PTPRD: variants seen among roughly 807,000 people sequenced by gnomAD.
The protein encoded by PTPRD is protein tyrosine phosphatase receptor type D, also known as receptor-type tyrosine-protein phosphatase delta.
Under a neutral mutation model 214.5 loss-of-function variants are expected in PTPRD, and 34 were observed. The observed-to-expected ratio is 0.16, with a 90% confidence interval of 0.12 to 0.21. The LOEUF (loss-of-function observed/expected upper bound fraction) is 0.21, where lower values mean the gene tolerates loss of function less well. Among genes scored for constraint, PTPRD ranks in the 10% least tolerant of loss-of-function variants. The probability of loss-of-function intolerance (pLI) is 1.00; values close to 1 mark genes in which losing one functional copy is unlikely to be tolerated. For missense variants in PTPRD, 2,545 were observed against 2,398.7 expected (o/e 1.06, Z -1.27); for synonymous variants, 1,128 against 845.7 (o/e 1.33, Z -5.79).
At chr9:9,493,937 C>T (rs62533229) in intron 8 of PTPRD, among the ~76,000 whole-genome samples, 12,275 of 151,802 alleles carry the variant, frequency 0.081, 624 homozygotes, top group South Asian at 0.16. Flanking sequence ...ATTCCAAATG[C>T]TATTAAGAAC....
chr9:9,601,799 A>G (rs2093789866), intron 7 of PTPRD, among the ~76,000 whole-genome samples: 1 of 152,064 alleles, frequency 6.6e-6, no homozygotes, highest in Non-Finnish European at 1.5e-5. Context: ...ATAAACACTA[A>G]ATATAATACA....
chr9:9,065,114 C>G (rs2154403824), intron 10 of PTPRD, among the ~76,000 whole-genome samples: 1 of 152,240 alleles, frequency 6.6e-6, no homozygotes, highest in East Asian at 1.9e-4. Flanking sequence ...TGACAAAAAT[C>G]TCTTCCCTTT....
At chr9:10,064,242 T>C (rs989465597) in intron 3 of PTPRD, among the ~76,000 whole-genome samples, 13 of 151,974 alleles carry the variant, frequency 8.6e-5, no homozygotes, top group African/African-American at 2.4e-4. Context: ...TGGTGAATTG[T>C]TTTGAGGGGC....
At chr9:8,770,633 G>A (rs191831448) in intron 11 of PTPRD, among the ~76,000 whole-genome samples, 30 of 152,192 alleles carry the variant, frequency 2.0e-4, no homozygotes, top group African/African-American at 6.7e-4. Flanking sequence ...TCCAAAAACA[G>A]ATCTACTTGA....
chr9:8,826,340 C>G (rs530651735), intron 11 of PTPRD, among the ~76,000 whole-genome samples: 4 of 152,164 alleles, frequency 2.6e-5, no homozygotes, highest in Non-Finnish European at 5.9e-5. Flanking sequence ...CCTCAGCCTA[C>G]AATCCCTCCC....
At chr9:10,576,727 T>C (rs1047395402) in intron 2 of PTPRD, among the ~76,000 whole-genome samples, 4 of 152,206 alleles carry the variant, frequency 2.6e-5, no homozygotes, top group African/African-American at 7.2e-5. Flanking sequence ...ATATGCCATA[T>C]GTTCAATAGC....
At chr9:9,955,036 A>G (rs1274108152) in intron 4 of PTPRD, among the ~76,000 whole-genome samples, 4 of 152,316 alleles carry the variant, frequency 2.6e-5, no homozygotes, top group African/African-American at 9.6e-5. Flanking sequence ...TACAGGTCAA[A>G]CTAAATGCTA....
At chr9:9,751,838 A>G (rs1438477994) in intron 6 of PTPRD, among the ~76,000 whole-genome samples, 1 of 152,138 alleles carries the variant, frequency 6.6e-6, no homozygotes, top group Non-Finnish European at 1.5e-5. Context: ...TAGCAGGCTC[A>G]GAAAACTGAC....
intron 11 of PTPRD, among the ~76,000 whole-genome samples, chr9:8,761,566 TGCAAAGG>T (rs1424983821): frequency 6.6e-6 from 1 of 152,138 alleles, no homozygotes; most frequent in Non-Finnish European, 1.5e-5. Context: ...AAAGCGGAGC[TGCAAAGG>T]TTAGTAGAAA....
intron 2 of PTPRD, among the ~76,000 whole-genome samples, chr9:10,478,460 C>G (rs915726161): frequency 6.6e-6 from 1 of 152,144 alleles, no homozygotes; most frequent in Non-Finnish European, 1.5e-5. Flanking sequence ...GGAAGCTATT[C>G]ATATCACCCC....
At chr9:9,673,556 A>C (rs1374347810) in intron 7 of PTPRD, among the ~76,000 whole-genome samples, 1 of 151,852 alleles carries the variant, frequency 6.6e-6, no homozygotes, top group East Asian at 1.9e-4. Flanking sequence ...AAAAGAAAAG[A>C]TGAACACTAC....
At chr9:8,394,000 C>T (rs1250278972) in intron 36 of PTPRD, among the ~76,000 whole-genome samples, 2 of 152,004 alleles carry the variant, frequency 1.3e-5, no homozygotes, top group South Asian at 4.2e-4. Context: ...TAGAGCTGTG[C>T]TTCTGTTGTT....
At chr9:9,151,205 A>G (rs2099876461) in intron 10 of PTPRD, among the ~76,000 whole-genome samples, 1 of 152,128 alleles carries the variant, frequency 6.6e-6, no homozygotes, top group African/African-American at 2.4e-5. Context: ...CAGAATGACA[A>G]TTGTTTTGGG....
chr9:9,138,150 T>A (rs1406905187), intron 10 of PTPRD, among the ~76,000 whole-genome samples: 1 of 152,128 alleles, frequency 6.6e-6, no homozygotes, highest in East Asian at 1.9e-4. Context: ...ATCTTTTTTT[T>A]TTCTTCTGGA....
chr9:9,828,947 T>G (rs1257790204), intron 5 of PTPRD, among the ~76,000 whole-genome samples: 2 of 151,986 alleles, frequency 1.3e-5, no homozygotes, highest in Admixed American at 6.6e-5. Flanking sequence ...TACATAAATT[T>G]AAAATTGTAA....
intron 3 of PTPRD, among the ~76,000 whole-genome samples, chr9:10,129,134 T>C (rs2098840377): frequency 6.6e-6 from 1 of 152,200 alleles, no homozygotes; most frequent in South Asian, 2.1e-4. Flanking sequence ...CGATTGGACC[T>C]TGCTGCTTCT....
At chr9:9,358,625 A>G (rs989268385) in intron 9 of PTPRD, among the ~76,000 whole-genome samples, 1 of 151,282 alleles carries the variant, frequency 6.6e-6, no homozygotes, top group African/African-American at 2.4e-5. Flanking sequence ...ATTGGCTCCC[A>G]TGCTCCAGAA....
At chr9:9,167,553 G>C (rs973241142) in intron 10 of PTPRD, among the ~76,000 whole-genome samples, 1 of 151,900 alleles carries the variant, frequency 6.6e-6, no homozygotes, top group South Asian at 2.1e-4. Context: ...TCGGGAGTTC[G>C]AGACCAGCCT....
chr9:10,234,677 G>T (rs1240425630), intron 3 of PTPRD, among the ~76,000 whole-genome samples: 2 of 151,874 alleles, frequency 1.3e-5, no homozygotes, highest in South Asian at 2.1e-4. Flanking sequence ...ACTTTAAAAA[G>T]TGTTTAACTT....
Sources: gnomAD v4.1 joint callset for allele counts (sites outside exome capture counted in the v4.1 genomes callset) on GRCh38, gnomAD v4.1.1 for gene constraint, MANE v1.5 for transcripts, NCBI Gene and HGNC (gene_info 2026-07-23, HGNC 2026-07-21) for gene names.